The following TBC1D14 variants were observed in gnomAD, a reference collection of about 807,000 sequenced individuals.
TBC1D14 encodes TBC1 domain family, member 14.
In TBC1D14, 26 loss-of-function variants were observed where a neutral mutation model predicts 79.0. The observed-to-expected ratio is 0.33, with a 90% CI of 0.24 to 0.46. The LOEUF is 0.46. Ranked by LOEUF, TBC1D14 falls within the 20% of genes least tolerant of loss-of-function variation. The pLI, the probability that TBC1D14 is intolerant of heterozygous loss-of-function variation, is 1.00. For synonymous variants in TBC1D14, 394 were observed against 349.9 expected, an observed-to-expected ratio of 1.13 and a Z score of -1.40; for missense variants, 769 against 887.6, an observed-to-expected ratio of 0.87 and a Z score of 1.70.
At chr4:7,003,689 G>GTGTGTAAT (rs1719894432) in intron 7 of TBC1D14, among the ~76,000 whole-genome samples, 1 of 152,160 alleles carries the variant, frequency 6.6e-6, no homozygotes, top group Admixed American at 6.5e-5. Flanking sequence ...ACATCTGGGA[G>GTGTGTAAT]CTGATCAGGA....
At position 7,030,363 on chromosome 4, in the gene TBC1D14, G is replaced by A. The variant is rs916647111; in HGVS notation, c.2053G>A (p.Glu685Lys). The change falls in exon 14 of 14, where the codon GAG (glutamate) becomes AAG (lysine). Residue 685 changes from glutamate (E) to lysine (K), a missense_variant. Glu to Lys is a moderately conservative substitution (Grantham distance 56, BLOSUM62 1). Transcript: ENST00000409757. ...ATTGCAGAAAGACAGCCGGGAAATG[G>A]AGAAGGGAAGTCCGTCCCTCCGACA... ...TALQKDSREM[E>K]KGSPSLRH 6.8e-6 allele frequency: 11 copies of A among 1,614,074 alleles called. No individual in the cohort carries two copies. Among genetic ancestry groups the A allele is most frequent in the Non-Finnish European group, 9.3e-6 (11 of 1,179,918 alleles).
chr4:6,950,879 A>G (rs980958052), intron 2 of TBC1D14, among the ~76,000 whole-genome samples: 19 of 152,162 alleles, frequency 1.2e-4, no homozygotes, highest in Admixed American at 3.3e-4. Context: ...TTTGGTTTTG[A>G]TATCAAAATT....
intron 8 of TBC1D14, among the ~76,000 whole-genome samples, chr4:7,005,661 T>C (rs915102748): frequency 6.6e-6 from 1 of 151,706 alleles, no homozygotes; most frequent in African/African-American, 2.4e-5. Flanking sequence ...ATCTCACCAC[T>C]GCACTCCAGC....
intron 4 of TBC1D14, among the ~76,000 whole-genome samples, chr4:6,994,973 A>G (rs951736100): frequency 6.6e-6 from 1 of 152,196 alleles, no homozygotes; most frequent in African/African-American, 2.4e-5. Flanking sequence ...CCATCAGGAA[A>G]AGACTCTGGC....
At chr4:7,017,237 T>G (rs1244175916) in intron 12 of TBC1D14, among the ~76,000 whole-genome samples, 1 of 150,958 alleles carries the variant, frequency 6.6e-6, no homozygotes, top group Non-Finnish European at 1.5e-5. Context: ...GAGGCAGAGG[T>G]TGCAGTGAGC....
chr4:6,988,118 C>G (rs867553214), intron 3 of TBC1D14, among the ~76,000 whole-genome samples: 5 of 152,178 alleles, frequency 3.3e-5, no homozygotes, highest in African/African-American at 7.2e-5. Context: ...GCCATTCTTC[C>G]CCCTCAAAAT....
At chr4:6,990,254 G>T (rs1337337576) in intron 3 of TBC1D14, among the ~76,000 whole-genome samples, 2 of 152,272 alleles carry the variant, frequency 1.3e-5, no homozygotes, top group South Asian at 4.1e-4. Flanking sequence ...TTCCAGACCA[G>T]CCTGGCCAAC....
In TBC1D14 at chr4:7,010,672, T is replaced by C. The variant is rs1402654696; in HGVS notation, c.1538T>C (p.Ile513Thr). 1 of 1,614,054 alleles carries C rather than the reference T, an allele frequency of 6.2e-7. No homozygotes were observed. Among genetic ancestry groups the C allele is most frequent in the Non-Finnish European group, 8.5e-7 (1 of 1,179,966 alleles). The change falls in exon 11 of 14, where the codon ATA (isoleucine) becomes ACA (threonine). Residue 513 changes from isoleucine (I) to threonine (T), a missense_variant. Physicochemically the swap from Ile to Thr is moderately conservative, Grantham distance 89 (BLOSUM62 -1). This residue lies in a region of TBC1D14 where 367 missense variants were observed against 494.4 expected (regional missense o/e 0.74). Coordinates refer to ENST00000409757, the MANE Select transcript of TBC1D14 (RefSeq NM_020773.3). The part of the protein sequence containing the change: ...DVGYVQGMSF[I>T]AAVLILNLDT... Reference sequence around the variant, plus strand: ...TCTCAGGTCCAGGGCATGTCCTTCATAGCAGCAGTGTTGATCTTGAACTTA... The same window carrying C: ...TCTCAGGTCCAGGGCATGTCCTTCACAGCAGCAGTGTTGATCTTGAACTTA...
chr4:6,911,607 G>C (rs568665464), intron 1 of TBC1D14, among the ~76,000 whole-genome samples: 9 of 152,340 alleles, frequency 5.9e-5, no homozygotes, highest in Admixed American at 1.3e-4. Context: ...CCTCTGCATT[G>C]GGTCCGCTGT....
chr4:6,987,787 G>C (rs77530551), intron 3 of TBC1D14, among the ~76,000 whole-genome samples: 151 of 152,336 alleles, frequency 9.9e-4, no homozygotes, highest in Middle Eastern at 3.4e-3. Context: ...GCCCAATGAG[G>C]TGGTCAGGTT....
At chr4:7,018,660 C>T (rs989754525) in intron 12 of TBC1D14, among the ~76,000 whole-genome samples, 7 of 152,226 alleles carry the variant, frequency 4.6e-5, no homozygotes, top group African/African-American at 1.4e-4. Flanking sequence ...GCTGAGGGTT[C>T]GCTGTCCTTC....
At chr4:7,004,735 C>G (rs1720005591) in intron 7 of TBC1D14, 109 bp from the exon 8 acceptor site, 2 of 947,488 alleles carry the variant, frequency 2.1e-6, no homozygotes, top group Non-Finnish European at 1.7e-6. Flanking sequence ...ATGCATTAAG[C>G]CTATTATAGT....
intron 2 of TBC1D14, 112 bp downstream of exon 2, chr4:6,924,223 T>TAACAC: frequency 7.2e-7 from 1 of 1,396,372 alleles, no homozygotes; most frequent in Non-Finnish European, 9.4e-7. Context: ...AGGCACTGTC[T>TAACAC]CACACAGATA....
At chr4:6,969,252 A>G (rs1297483866) in intron 3 of TBC1D14, among the ~76,000 whole-genome samples, 1 of 152,218 alleles carries the variant, frequency 6.6e-6, no homozygotes, top group East Asian at 1.9e-4. Context: ...CTTAGCTATA[A>G]ATTTCTTAGG....
At chr4:7,007,454 TGCGGGGGCAG>T in intron 9 of TBC1D14, 1 of 989,588 alleles carries the variant, frequency 1.0e-6, no homozygotes, top group African/African-American at 1.7e-5. Flanking sequence ...AACGGGTTTT[TGCGGGGGCAG>T]TTGTTCTTGC....
intron 2 of TBC1D14, among the ~76,000 whole-genome samples, chr4:6,964,480 C>G (rs1715527034): frequency 6.6e-6 from 1 of 152,206 alleles, no homozygotes; most frequent in Non-Finnish European, 1.5e-5. Context: ...TTAGTGAACC[C>G]AAGTTCTGGA....
At chr4:6,955,074 G>A (rs1282888854) in intron 2 of TBC1D14, among the ~76,000 whole-genome samples, 1 of 152,248 alleles carries the variant, frequency 6.6e-6, no homozygotes, top group Non-Finnish European at 1.5e-5. Flanking sequence ...CGTGTTTCCT[G>A]TGGAGGAGGT....
At chr4:6,989,080 C>G (rs1718211987) in intron 3 of TBC1D14, among the ~76,000 whole-genome samples, 2 of 152,120 alleles carry the variant, frequency 1.3e-5, no homozygotes, top group South Asian at 4.1e-4. Context: ...ATGATCCTTT[C>G]TTTTCGCTCT....
chr4:6,919,495 A>G (rs951554229), intron 1 of TBC1D14, among the ~76,000 whole-genome samples: 1 of 151,960 alleles, frequency 6.6e-6, no homozygotes, highest in South Asian at 2.1e-4. Context: ...TTTTTGCCTT[A>G]GTGTAGTACA....
Sources: allele counts gnomAD v4.1 joint callset (sites outside exome capture counted in the v4.1 genomes callset), GRCh38; gene constraint gnomAD v4.1.1; regional missense constraint gnomAD v4.1.1; transcripts MANE v1.5; gene names NCBI Gene and HGNC (gene_info 2026-07-23, HGNC 2026-07-21).